Variants in SNX8 observed in about 807,000 individuals in gnomAD.
The protein encoded by SNX8 is sorting nexin-8.
SNX8 carries 25 observed loss-of-function variants against 51.6 expected under a neutral mutation model. The observed-to-expected ratio is 0.48, with a 90% CI of 0.35 to 0.68. SNX8 has a LOEUF of 0.68. Among genes scored for constraint, SNX8 ranks in the 30% least tolerant of loss-of-function variants. SNX8 has a pLI of 0.00. For missense variants in SNX8, 695 were observed against 624.0 expected (o/e 1.11, Z -1.21); for synonymous variants, 324 against 277.0 (o/e 1.17, Z -1.68).
At chr7:2,328,607 G>A (rs190494364) in intron 1 of SNX8, among the ~76,000 whole-genome samples, 192 of 151,158 alleles carry the variant, frequency 1.3e-3, no homozygotes, top group African/African-American at 4.4e-3. Context: ...GAGGTCAGGA[G>A]TTTGAGACCA....
At chr7:2,268,948 G>T (rs1795568707) in intron 5 of SNX8, among the ~76,000 whole-genome samples, 1 of 134,044 alleles carries the variant, frequency 7.5e-6, no homozygotes, top group Non-Finnish European at 1.6e-5. Context: ...CCGTCCGGGA[G>T]GTGAGGGGCG....
At chr7:2,314,176 G>A (rs1357527792) in intron 1 of SNX8, 152 bp downstream of exon 1, 11 of 796,740 alleles carry the variant, frequency 1.4e-5, no homozygotes, top group Non-Finnish European at 1.7e-5. Context: ...AGGGCAGGGG[G>A]ACCTCCGAGG....
At chr7:2,304,756 GCA>G in intron 1 of SNX8, among the ~76,000 whole-genome samples, 1 of 152,186 alleles carries the variant, frequency 6.6e-6, no homozygotes, top group Middle Eastern at 3.4e-3. Flanking sequence ...ATAAGAAACT[GCA>G]CACACAGAGA....
chr7:2,279,985 C>T (rs1289082959), intron 1 of SNX8, among the ~76,000 whole-genome samples: 5 of 152,148 alleles, frequency 3.3e-5, no homozygotes, highest in Admixed American at 6.6e-5. Context: ...TCTAAATGCC[C>T]CAGTGTGTTC....
intron 1 of SNX8, among the ~76,000 whole-genome samples, chr7:2,281,394 G>C (rs1795902492): frequency 6.6e-6 from 1 of 151,744 alleles, no homozygotes; most frequent in South Asian, 2.1e-4. Context: ...ACTCCAGCCT[G>C]GGTGACAGAG....
intron 1 of SNX8, among the ~76,000 whole-genome samples, chr7:2,341,414 G>C (rs566753481): frequency 6.6e-6 from 1 of 151,224 alleles, no homozygotes; most frequent in African/African-American, 2.4e-5. Context: ...CAGGAGAATC[G>C]CTAGAACCCA....
intron 2 of SNX8, 42 bp from the exon 3 acceptor site, chr7:2,275,271 T>C: frequency 1.5e-6 from 2 of 1,376,322 alleles, no homozygotes; most frequent in Non-Finnish European, 2.1e-6. Flanking sequence ...CGTTGGAAAC[T>C]ATGCTGTCGC....
intron 1 of SNX8, among the ~76,000 whole-genome samples, chr7:2,351,767 C>T (rs1395354047): frequency 6.7e-6 from 1 of 149,132 alleles, no homozygotes; most frequent in Non-Finnish European, 1.5e-5. Flanking sequence ...GGAGGTGGAG[C>T]TTGCAGTGAT....
chr7:2,264,263 G>A (rs553744965), intron 6 of SNX8, 35 bp downstream of exon 6: 42 of 1,588,524 alleles, frequency 2.6e-5, no homozygotes, highest in East Asian at 6.8e-5. Context: ...CCGTCCCACC[G>A]CGCGTGCCCC....
intron 1 of SNX8, among the ~76,000 whole-genome samples, chr7:2,279,760 A>C (rs967280092): frequency 3.4e-5 from 5 of 146,960 alleles, no homozygotes; most frequent in African/African-American, 1.3e-4. Flanking sequence ...CTCAAAAAAA[A>C]AGAAAAAAAA....
chr7:2,338,061 C>T (rs1287582991), intron 1 of SNX8, among the ~76,000 whole-genome samples: 1 of 152,146 alleles, frequency 6.6e-6, no homozygotes, highest in Non-Finnish European at 1.5e-5. Context: ...CGCAGTGGCT[C>T]ACGCCTGTAA....
chr7:2,310,593 C>T lies in SNX8; in HGVS notation c.94+3735G>A, dbSNP rs141476142. On this transcript the variant is annotated intron_variant, in intron 1 of 10. Transcript: ENST00000222990. Reference sequence around the variant, plus strand: ...CCAACCTGGCTAACACGGTGAAATGCCATCTCTACTAAAAATACAAAAAAT... The same window carrying T: ...CCAACCTGGCTAACACGGTGAAATGTCATCTCTACTAAAAATACAAAAAAT... 5.2e-3 allele frequency among the ~76,000 whole-genome samples: 788 copies of T among 152,160 alleles called. 4 individuals are homozygous for T. In the Middle Eastern group the frequency reaches 0.065, roughly 12 times the overall value.
chr7:2,342,958 A>G (rs1778960613), intron 1 of SNX8, among the ~76,000 whole-genome samples: 1 of 151,606 alleles, frequency 6.6e-6, no homozygotes, highest in Non-Finnish European at 1.5e-5. Flanking sequence ...ACCACCGGCT[A>G]ATTTTTTTGT....
chr7:2,351,821 A>T (rs1302751694), intron 1 of SNX8, among the ~76,000 whole-genome samples: 1 of 151,630 alleles, frequency 6.6e-6, no homozygotes, highest in African/African-American at 2.4e-5. Flanking sequence ...ACAGAGTGAG[A>T]CTCCATCTCA....
At chr7:2,260,570 G>A (rs1208629397) in intron 7 of SNX8, among the ~76,000 whole-genome samples, 1 of 152,140 alleles carries the variant, frequency 6.6e-6, no homozygotes, top group Non-Finnish European at 1.5e-5. Flanking sequence ...CACGTGTCTT[G>A]CTGGGATATG....
rs189485951 is a variant in SNX8, at chr7:2,350,354, C to T, written c.-66+3868G>A. Among the ~76,000 whole-genome samples, 160 of 152,234 alleles carry T rather than the reference C, an allele frequency of 1.1e-3. 1 individual carries two copies. Among genetic ancestry groups the T allele is most frequent in the African/African-American group, 3.5e-3 (145 of 41,548 alleles). ...GCCAGGTCAGGCTTCCCCAAGGGGC[C>T]GTGTGGCGGAACATTTTTCATTTTC... On this transcript the variant is annotated intron_variant, in intron 1 of 5. Transcript: ENST00000435336.
chr7:2,314,982 C>T (rs1796730581), upstream of SNX8, among the ~76,000 whole-genome samples: 1 of 149,712 alleles, frequency 6.7e-6, no homozygotes, highest in Non-Finnish European at 1.5e-5. Context: ...TCACTGCATC[C>T]TGCAATCATT....
At chr7:2,259,870 A>C (rs1252435014) in intron 7 of SNX8, among the ~76,000 whole-genome samples, 1 of 152,162 alleles carries the variant, frequency 6.6e-6, no homozygotes, top group Non-Finnish European at 1.5e-5. Flanking sequence ...GTGCTGCACA[A>C]GGCCCTAAAC....
Position 2,271,841 on chromosome 7 carries a change from C to T in SNX8, c.540+9G>A. On this transcript the variant is annotated intron_variant, in intron 4 of 10. Coordinates refer to ENST00000222990, the MANE Select transcript of SNX8 (RefSeq NM_013321.4). ...GGGGCCGGGACATGGGCAGGGCAGACACACTCACCGAGCCGCTGAAGGACA... is the reference window on the plus strand; with the variant it reads ...GGGGCCGGGACATGGGCAGGGCAGATACACTCACCGAGCCGCTGAAGGACA... The T allele has an allele frequency of 6.3e-7, 1 of 1,597,192 alleles. No individual in the cohort carries two copies. The highest frequency in any genetic ancestry group is 8.5e-7 in the Non-Finnish European group (1 of 1,172,324).
Sources: allele counts gnomAD v4.1 joint callset (sites outside exome capture counted in the v4.1 genomes callset), GRCh38; gene constraint gnomAD v4.1.1; transcripts MANE v1.5; gene names NCBI Gene and HGNC (gene_info 2026-07-23, HGNC 2026-07-21).